The following C9orf153 variants were observed in gnomAD, a reference collection of about 807,000 sequenced individuals.
The protein encoded by C9orf153 is chromosome 9 open reading frame 153.
C9orf153 carries 10 observed loss-of-function variants against 9.0 expected under a neutral mutation model. The observed-to-expected ratio is 1.11, with a 90% CI of 0.69 to 1.89. The LOEUF (loss-of-function observed/expected upper bound fraction) is 1.89. Among genes scored for constraint, C9orf153 ranks in the 40% most tolerant of loss-of-function variants. The probability of loss-of-function intolerance (pLI) is 0.00; values close to 1 mark genes in which losing one functional copy is unlikely to be tolerated. For missense variants in C9orf153, 108 were observed against 111.0 expected (o/e 0.97, Z 0.12); for synonymous variants, 35 against 37.3 (o/e 0.94, Z 0.23).
chr9:86,255,760 TA>T (rs750489740), intron 1 of C9orf153, among the ~76,000 whole-genome samples: 17 of 152,230 alleles, frequency 1.1e-4, no homozygotes, highest in Non-Finnish European at 2.2e-4. Flanking sequence ...AATAAATTCG[TA>T]TGCCTTTTCT....
chr9:86,225,099 C>T (rs747851187), intron 3 of C9orf153, among the ~76,000 whole-genome samples: 1 of 152,084 alleles, frequency 6.6e-6, no homozygotes, highest in African/African-American at 2.4e-5. Context: ...GGAGCTCATA[C>T]GATAGAAGAG....
At chr9:86,234,138 G>A (rs1824530596) in intron 1 of C9orf153, among the ~76,000 whole-genome samples, 1 of 152,138 alleles carries the variant, frequency 6.6e-6, no homozygotes, top group African/African-American at 2.4e-5. Context: ...TGCCATAAAT[G>A]TTCTCTGTAC....
chr9:86,257,086 T>C (rs935620068), intron 1 of C9orf153, among the ~76,000 whole-genome samples: 3 of 152,226 alleles, frequency 2.0e-5, no homozygotes, highest in African/African-American at 7.2e-5. Context: ...CTCTTCTTTT[T>C]TCCCTTTAAA....
At chr9:86,238,956 T>C (rs1363873030) in intron 1 of C9orf153, among the ~76,000 whole-genome samples, 1 of 113,832 alleles carries the variant, frequency 8.8e-6, no homozygotes, top group Non-Finnish European at 1.7e-5. Flanking sequence ...TAATTCTATT[T>C]CTGTAAAAAA....
At chr9:86,257,876 G>A (rs1435774687) in intron 1 of C9orf153, among the ~76,000 whole-genome samples, 8 of 152,134 alleles carry the variant, frequency 5.3e-5, no homozygotes, top group Non-Finnish European at 7.3e-5. Context: ...GTCCTGTCAC[G>A]ATGGCTTCAG....
chr9:86,251,335 TAG>T (rs1411477266), intron 1 of C9orf153, among the ~76,000 whole-genome samples: 2 of 152,192 alleles, frequency 1.3e-5, no homozygotes, highest in African/African-American at 4.8e-5. Context: ...AAACTTTCGT[TAG>T]AGTCTATGTT....
chr9:86,229,568 G>A lies in C9orf153; in HGVS notation c.36C>T (p.Asp12=). The change falls in exon 2 of 4, where the codon GAC becomes GAT. Residue 12 remains aspartate, a synonymous_variant. Coordinates refer to ENST00000339137, the MANE Select transcript of C9orf153 (RefSeq NM_001276366.4). The part of the protein sequence containing the change: ...FLTGDTSPAE[D]NREATLPQCS... ...ATTGAGGAAGGGTGGCTTCTCTATTGTCCTCAGCTGGACTGGTGTCTCCAG... is the reference window on the plus strand; with the variant it reads ...ATTGAGGAAGGGTGGCTTCTCTATTATCCTCAGCTGGACTGGTGTCTCCAG... 5 of 1,612,900 alleles carry A rather than the reference G, an allele frequency of 3.1e-6. No homozygotes were observed. The highest frequency in any genetic ancestry group is 4.2e-6 in the Non-Finnish European group (5 of 1,179,032).
At chr9:86,255,300 A>G (rs1347736031) in intron 1 of C9orf153, among the ~76,000 whole-genome samples, 2 of 152,196 alleles carry the variant, frequency 1.3e-5, no homozygotes, top group African/African-American at 4.8e-5. Context: ...CCCCCAAAAT[A>G]TCCTTCTTTG....
At chr9:86,234,007 C>T (rs895560190) in intron 1 of C9orf153, among the ~76,000 whole-genome samples, 39 of 152,034 alleles carry the variant, frequency 2.6e-4, no homozygotes, top group African/African-American at 6.0e-4. Context: ...CGCTTGAACC[C>T]GGGAGGTGGA....
chr9:86,224,770 A>AC (rs1554683788), intron 3 of C9orf153, among the ~76,000 whole-genome samples: 1 of 116,370 alleles, frequency 8.6e-6, no homozygotes, highest in South Asian at 3.4e-4. Context: ...TACTAAAAAT[A>AC]CAAAAAAAAA....
At chr9:86,245,449 G>A (rs574694667) in intron 1 of C9orf153, among the ~76,000 whole-genome samples, 13 of 152,168 alleles carry the variant, frequency 8.5e-5, no homozygotes, top group East Asian at 5.8e-4. Context: ...ACCATTCTGC[G>A]TTCTGTCTCT....
chr9:86,254,926 G>A (rs1254012465), intron 1 of C9orf153, among the ~76,000 whole-genome samples: 4 of 152,098 alleles, frequency 2.6e-5, no homozygotes, highest in Admixed American at 2.6e-4. Flanking sequence ...TTAGCTGGGT[G>A]TGGTGATGCA....
rs60165641 is a variant in C9orf153 at position 86,235,741 on chromosome 9, C to CAAAAA, written c.-26-6117_-26-6113dup. Among the ~76,000 whole-genome samples, 59 of 22,052 alleles carry CAAAAA rather than the reference C, an allele frequency of 2.7e-3. 3 individuals carry two copies. Among genetic ancestry groups the CAAAAA allele is most frequent in the East Asian group, 6.6e-3 (4 of 604 alleles). The allele number at this position is 22,052 out of a possible 152,430, so 14.5% of individuals were successfully genotyped here. ...TGGGTGACAGAGCAAGACTCCATCT[C>CAAAAA]AAAAAAAAAAAAAAAAAAAAAAAAA... On this transcript the variant is annotated intron_variant, in intron 1 of 3. Coordinates refer to ENST00000339137, the MANE Select transcript of C9orf153 (RefSeq NM_001276366.4).
chr9:86,246,298 G>C (rs1000476596), intron 1 of C9orf153, among the ~76,000 whole-genome samples: 5 of 152,106 alleles, frequency 3.3e-5, no homozygotes, highest in African/African-American at 9.7e-5. Flanking sequence ...ACACTCAATC[G>C]CATGCCATTG....
chr9:86,241,334 C>T (rs138501314), intron 1 of C9orf153, among the ~76,000 whole-genome samples: 146 of 144,370 alleles, frequency 1.0e-3, no homozygotes, highest in Non-Finnish European at 1.8e-3. Context: ...AGGTCCTGCC[C>T]GGAGCTGGCC....
At chr9:86,251,229 AAATAT>A (rs1479991934) in intron 1 of C9orf153, among the ~76,000 whole-genome samples, 1 of 152,210 alleles carries the variant, frequency 6.6e-6, no homozygotes, top group African/African-American at 2.4e-5. Flanking sequence ...ATTAATGATT[AAATAT>A]GAGTTTAATC....
intron 3 of C9orf153, chr9:86,227,361 T>C: frequency 6.5e-7 from 1 of 1,535,820 alleles, no homozygotes; most frequent in Non-Finnish European, 8.8e-7. Flanking sequence ...AGATGGGGTC[T>C]TTCTATGTTT....
intron 3 of C9orf153, among the ~76,000 whole-genome samples, chr9:86,223,494 A>C (rs1015438762): frequency 4.6e-5 from 7 of 152,120 alleles, no homozygotes; most frequent in Non-Finnish European, 7.3e-5. Flanking sequence ...AAGAAGCTTC[A>C]CGTCATGATC....
rs528873815 is a variant in C9orf153, at chr9:86,250,284, G to C, written c.-27+9266C>G. ...AATGAAAACTCAGGGACAGGATTTG[G>C]AGGTAATTGTTTTCTTTGGCAAATC... is the stretch of plus-strand genomic sequence containing the variant. On this transcript the variant is annotated intron_variant, in intron 1 of 3. Transcript: ENST00000339137. 5.3e-5 allele frequency among the ~76,000 whole-genome samples: 8 copies of C among 152,304 alleles called. No individual in the cohort carries two copies. In the East Asian group the frequency reaches 1.5e-3, roughly 29 times the overall value.
Sources: allele counts gnomAD v4.1 joint callset (sites outside exome capture counted in the v4.1 genomes callset), GRCh38; gene constraint gnomAD v4.1.1; transcripts MANE v1.5; gene names NCBI Gene and HGNC (gene_info 2026-07-23, HGNC 2026-07-21).